BCCIP: variants seen among roughly 807,000 people sequenced by gnomAD.
The protein encoded by BCCIP is BRCA2 and CDKN1A-interacting protein.
BCCIP carries 23 observed loss-of-function variants against 32.8 expected under a neutral mutation model. The ratio of observed to expected loss-of-function variants is 0.70; its 90% CI spans 0.51 to 0.99. BCCIP has a LOEUF of 0.99. Ranked by LOEUF, BCCIP falls within the 50% of genes least tolerant of loss-of-function variation. The pLI is 0.00. For synonymous variants in BCCIP, 144 were observed against 137.6 expected, an observed-to-expected ratio of 1.05 and a Z score of -0.33; for missense variants, 378 against 379.8, an observed-to-expected ratio of 1.00 and a Z score of 0.04.
chr10:125,841,461 T>G, downstream of BCCIP: 1 of 1,513,186 alleles, frequency 6.6e-7, no homozygotes, highest in Non-Finnish European at 8.8e-7. Context: ...ATTTTCTTCA[T>G]CTGCACTGAT....
At chr10:125,846,811 GT>G (rs1704167482), downstream of BCCIP, among the ~76,000 whole-genome samples, 1 of 152,110 alleles carries the variant, frequency 6.6e-6, no homozygotes, top group African/African-American at 2.4e-5. Context: ...TTTCTTGGGC[GT>G]TTTCGACTTT....
At chr10:125,845,854 G>A (rs1208352274), downstream of BCCIP, among the ~76,000 whole-genome samples, 1 of 152,204 alleles carries the variant, frequency 6.6e-6, no homozygotes, top group East Asian at 1.9e-4. Flanking sequence ...GCTCCTCCGA[G>A]CTTAGCTGTG....
At chr10:125,847,598 C>T (rs1280178962), downstream of BCCIP, among the ~76,000 whole-genome samples, 1 of 152,154 alleles carries the variant, frequency 6.6e-6, no homozygotes, top group African/African-American at 2.4e-5. Flanking sequence ...TTCCACAGAC[C>T]AGAGGGTGGA....
chr10:125,845,500 G>C (rs1054836620), downstream of BCCIP, among the ~76,000 whole-genome samples: 2 of 152,174 alleles, frequency 1.3e-5, no homozygotes, highest in African/African-American at 4.8e-5. Flanking sequence ...GCCTTCTCTT[G>C]TCTAAAGTGG....
intron 6 of BCCIP, among the ~76,000 whole-genome samples, chr10:125,835,587 A>C (rs113387133): frequency 0.45 from 66,274 of 146,760 alleles, 14,910 homozygotes; most frequent in Non-Finnish European, 0.47. Context: ...TCAAAAAAAA[A>C]AAACAAACAA....
intron 5 of BCCIP, among the ~76,000 whole-genome samples, chr10:125,832,390 G>T (rs1160870459): frequency 2.0e-5 from 3 of 152,040 alleles, no homozygotes; most frequent in Admixed American, 2.0e-4. Flanking sequence ...CCCTTGCGTT[G>T]TGGTTTTCCT....
At chr10:125,841,032 T>G (rs756157234), downstream of BCCIP, 4 of 1,578,304 alleles carry the variant, frequency 2.5e-6, no homozygotes, top group South Asian at 4.6e-5. Context: ...TTAGCAATAA[T>G]GAAGACATTT....
At chr10:125,847,101 C>T (rs1341211930), downstream of BCCIP, among the ~76,000 whole-genome samples, 6 of 151,834 alleles carry the variant, frequency 4.0e-5, no homozygotes, top group African/African-American at 1.5e-4. Flanking sequence ...CAGGGGGAGA[C>T]TCTACACATT....
downstream of BCCIP, chr10:125,838,510 C>T: frequency 1.1e-6 from 1 of 886,074 alleles, no homozygotes. Flanking sequence ...ACGTTTGCCA[C>T]TCATGTTTCC....
At chr10:125,840,849 T>A, downstream of BCCIP, 1 of 1,585,710 alleles carries the variant, frequency 6.3e-7, no homozygotes, top group Non-Finnish European at 8.6e-7. Flanking sequence ...TCACTTACAC[T>A]CACTGCTAGA....
At chr10:125,840,886 T>C (rs1334911508), downstream of BCCIP, 2 of 1,607,778 alleles carry the variant, frequency 1.2e-6, no homozygotes, top group Non-Finnish European at 1.7e-6. Flanking sequence ...TGGTAAGCCT[T>C]GTAAATGCTG....
intron 6 of BCCIP, among the ~76,000 whole-genome samples, chr10:125,835,308 C>T (rs183753200): frequency 1.6e-3 from 250 of 152,030 alleles, no homozygotes; most frequent in African/African-American, 4.0e-3. Flanking sequence ...AGGCCGGGTG[C>T]GGTGGCTCAT....
At chr10:125,837,255 G>A (rs1043153804), downstream of BCCIP, among the ~76,000 whole-genome samples, 4 of 152,154 alleles carry the variant, frequency 2.6e-5, no homozygotes, top group Non-Finnish European at 4.4e-5. Flanking sequence ...ATCCAGCTGC[G>A]TAAGCCAGAC....
chr10:125,848,204 T>G (rs1030258749), intron 7 of BCCIP, among the ~76,000 whole-genome samples: 3 of 152,124 alleles, frequency 2.0e-5, no homozygotes, highest in African/African-American at 7.2e-5. Flanking sequence ...CCTAAGACTC[T>G]ACAATGTCTA....
rs370241166 is a variant in BCCIP at position 125,849,760 on chromosome 10, C to T, written c.851-3365C>T. On this transcript the variant is annotated intron_variant, in intron 7 of 7. Transcript: ENST00000368759. ...GTTATATATAGTATAGTAAATGTTA[C>T]GTTAACATTTAAAGATCATTTTGTA... 6.0e-4 allele frequency among the ~76,000 whole-genome samples: 91 copies of T among 152,244 alleles called. 1 individual carries two copies. The South Asian group carries it at 0.011, about 18-fold the overall frequency.
chr10:125,849,670 G>C (rs766010199), intron 7 of BCCIP, among the ~76,000 whole-genome samples: 12 of 152,210 alleles, frequency 7.9e-5, no homozygotes, highest in Non-Finnish European at 1.8e-4. Flanking sequence ...GAGCTATGGG[G>C]AGGGCCACAT....
chr10:125,833,757 G>C lies in BCCIP; in HGVS notation c.600-15G>C. ...GACCCAGCAGGTAAACAAATGTTGTGTGTGTGCCTTGCAGGAAAGAACTGG... is the reference window on the plus strand; with the variant it reads ...GACCCAGCAGGTAAACAAATGTTGTCTGTGTGCCTTGCAGGAAAGAACTGG... On this transcript the variant is annotated splice_polypyrimidine_tract_variant and intron_variant, in intron 5 of 6. Coordinates refer to ENST00000278100, the MANE Select transcript of BCCIP (RefSeq NM_078468.3). 1 of 1,613,242 alleles carries C rather than the reference G, an allele frequency of 6.2e-7. No homozygotes were observed. The highest frequency in any genetic ancestry group is 8.5e-7 in the Non-Finnish European group (1 of 1,179,720).
Position 125,836,546 on chromosome 10 carries a change from A to C in BCCIP, c.*272A>C. 1 of 1,333,478 alleles carries C rather than the reference A, an allele frequency of 7.5e-7. No homozygotes were observed. The highest frequency in any genetic ancestry group is 9.8e-7 in the Non-Finnish European group (1 of 1,015,946). 82.6% of individuals were successfully genotyped at this position (1,333,478 alleles called of 1,614,324 possible). A position where few individuals can be genotyped will look rare whatever the true frequency, so the allele number is the denominator to read the frequency against. On this transcript the variant is annotated 3_prime_UTR_variant, in exon 7 of 7. Coordinates refer to ENST00000278100, the MANE Select transcript of BCCIP (RefSeq NM_078468.3). ...ATAAAAACTTCTATTTTTTATTTTA[A>C]AATAATATACACAGTGTTATTTTCT...
At chr10:125,838,348 G>C (rs917380408), downstream of BCCIP, 1 of 1,607,570 alleles carries the variant, frequency 6.2e-7, no homozygotes, top group Non-Finnish European at 8.5e-7. Flanking sequence ...TTATGTGTCA[G>C]CATTAAGTAG....
Sources: allele counts gnomAD v4.1 joint callset (sites outside exome capture counted in the v4.1 genomes callset), GRCh38; gene constraint gnomAD v4.1.1; transcripts MANE v1.5; gene names NCBI Gene and HGNC (gene_info 2026-07-23, HGNC 2026-07-21).